FAT4: variants seen among roughly 807,000 people sequenced by gnomAD.
FAT4 encodes the protein FAT atypical cadherin 4, also known as protocadherin Fat 4.
In FAT4, 84 loss-of-function variants were observed where a neutral mutation model predicts 303.9. That is an observed-to-expected ratio of 0.28 (90% CI 0.23 to 0.33). The LOEUF is 0.33. Ranked by LOEUF, FAT4 falls within the 10% of genes least tolerant of loss-of-function variation. The pLI is 1.00. For missense variants in FAT4, 6,005 were observed against 6,146.8 expected (o/e 0.98, Z 0.77); for synonymous variants, 2,307 against 2,298.8 (o/e 1.00, Z -0.10).
chr4:125,415,268 T>C lies in FAT4; in HGVS notation c.6305T>C (p.Ile2102Thr), dbSNP rs749901312. The C allele has an allele frequency of 2.5e-6, 4 of 1,614,038 alleles. No homozygotes were observed. The highest frequency in any genetic ancestry group is 3.4e-6 in the Non-Finnish European group (4 of 1,179,964). Residue 2102 changes from isoleucine to threonine, a missense_variant, in exon 6 of 18, where the codon ATT becomes ACT. Coordinates refer to ENST00000394329, the MANE Select transcript of FAT4 (RefSeq NM_001291303.3). ...PLGNKFSIGT[I>T]DGEVRLTGEL... The stretch of plus-strand genomic sequence containing the variant: ...GGAAACAAGTTCAGTATTGGGACCA[T>C]TGATGGTGAAGTGAGGCTCACTGGA...
At chr4:125,370,185 C>T (rs10008685) in intron 2 of FAT4, among the ~76,000 whole-genome samples, 6,147 of 151,838 alleles carry the variant, frequency 0.04, 402 homozygotes, top group African/African-American at 0.13. Flanking sequence ...TTCTTTCTGA[C>T]TTTTTGTAAA....
chr4:125,479,302 G>A (rs551102802), intron 14 of FAT4, among the ~76,000 whole-genome samples: 3 of 152,050 alleles, frequency 2.0e-5, no homozygotes, highest in East Asian at 1.9e-4. Context: ...CTCAGTACAC[G>A]GTTATTTTTT....
At chr4:125,410,003 A>G (rs1350918281) in intron 5 of FAT4, among the ~76,000 whole-genome samples, 2 of 151,746 alleles carry the variant, frequency 1.3e-5, no homozygotes, top group African/African-American at 4.9e-5. Context: ...TCAGAATACT[A>G]TTCTATTTTA....
At chr4:125,412,840 T>C (rs1038610646) in intron 5 of FAT4, among the ~76,000 whole-genome samples, 2 of 151,892 alleles carry the variant, frequency 1.3e-5, no homozygotes, top group African/African-American at 4.8e-5. Context: ...ATATCTTTGC[T>C]TGTTGGTATT....
At chr4:125,346,376 G>GA (rs34606140) in intron 2 of FAT4, among the ~76,000 whole-genome samples, 3 of 150,538 alleles carry the variant, frequency 2.0e-5, no homozygotes, top group African/African-American at 4.9e-5. Flanking sequence ...GATTCTCTGA[G>GA]AAAAAAAAAC....
In FAT4 at chr4:125,448,776, C is replaced by T; in HGVS notation, c.7766C>T (p.Thr2589Ile). Residue 2589 changes from threonine to isoleucine, a missense_variant, in exon 10 of 18, where the codon ACC (threonine) becomes ATC (isoleucine). Coordinates refer to ENST00000394329, the MANE Select transcript of FAT4 (RefSeq NM_001291303.3). ...PENQPVSSLV[T>I]TITGSSLRGE... ...AACCAACCAGTCAGCTCTCTTGTCACCACCATCACAGGATCCTCTTTAAGA... is the reference window on the plus strand; with the variant it reads ...AACCAACCAGTCAGCTCTCTTGTCATCACCATCACAGGATCCTCTTTAAGA... 5 of 1,611,872 alleles carry T rather than the reference C, an allele frequency of 3.1e-6. No individual in the cohort carries two copies. Among genetic ancestry groups the T allele is most frequent in the Non-Finnish European group, 4.2e-6 (5 of 1,179,876 alleles).
intron 10 of FAT4, among the ~76,000 whole-genome samples, chr4:125,455,566 T>TTAAG (rs1433501988): frequency 9.9e-5 from 15 of 152,162 alleles, no homozygotes; most frequent in Admixed American, 2.6e-4. Flanking sequence ...GACCAAAAAA[T>TTAAG]TAAGTCTTCG....
At chr4:125,394,488 A>G (rs1025217848) in intron 2 of FAT4, among the ~76,000 whole-genome samples, 1 of 152,196 alleles carries the variant, frequency 6.6e-6, no homozygotes, top group African/African-American at 2.4e-5. Context: ...TAGAAATAAT[A>G]TTGTAGACTT....
intron 7 of FAT4, among the ~76,000 whole-genome samples, chr4:125,428,040 T>C (rs1383873488): frequency 6.6e-6 from 1 of 152,122 alleles, no homozygotes; most frequent in Non-Finnish European, 1.5e-5. Flanking sequence ...GGCTCACACC[T>C]GTAATCTCAG....
chr4:125,372,650 T>G (rs1003189542), intron 2 of FAT4, among the ~76,000 whole-genome samples: 2 of 152,156 alleles, frequency 1.3e-5, no homozygotes, highest in African/African-American at 2.4e-5. Flanking sequence ...CGTGGCACAA[T>G]GATTCATGAT....
intron 16 of FAT4, among the ~76,000 whole-genome samples, chr4:125,486,370 G>A (rs903266917): frequency 2.6e-5 from 4 of 151,496 alleles, no homozygotes; most frequent in Non-Finnish European, 5.9e-5. Flanking sequence ...ACATCTTTTC[G>A]GTAAAGTACA....
intron 2 of FAT4, among the ~76,000 whole-genome samples, chr4:125,330,317 C>T (rs530257237): frequency 2.4e-4 from 37 of 152,248 alleles, no homozygotes; most frequent in African/African-American, 6.0e-4. Context: ...CATTGCCTTG[C>T]GGCATTTCTT....
intron 2 of FAT4, among the ~76,000 whole-genome samples, chr4:125,396,118 G>A (rs749405316): frequency 3.3e-5 from 5 of 151,906 alleles, no homozygotes; most frequent in Non-Finnish European, 5.9e-5. Context: ...TAACACACAC[G>A]CATGAGACTG....
rs992225985 is a variant in FAT4 at position 125,447,136 on chromosome 4, G to A, written c.7450+593G>A. On this transcript the variant is annotated intron_variant, in intron 9 of 17. Coordinates refer to ENST00000394329, the MANE Select transcript of FAT4 (RefSeq NM_001291303.3). ...TGAATCATTTTCATATTGACAATAT[G>A]CATTTATCCTTCTGTATCTCTTTAA... Among the ~76,000 whole-genome samples the A allele has an allele frequency of 3.1e-4, 47 of 152,108 alleles. No individual in the cohort carries two copies. The Middle Eastern group carries it at 0.024, about 77-fold the overall frequency.
In FAT4 at chr4:125,458,780, A is replaced by G. The variant is rs532426581; in HGVS notation, c.11801-4783A>G. On this transcript the variant is annotated intron_variant, in intron 10 of 17. Transcript: ENST00000394329. ...TGTGCTTGTTTTACAAGACAAAGGT[A>G]AAAACTTTTTTTGGTTGTTGCTTTT... is the stretch of plus-strand genomic sequence containing the variant. Among the ~76,000 whole-genome samples the G allele has an allele frequency of 2.6e-5, 4 of 152,070 alleles. No homozygotes were observed. In the East Asian group the frequency reaches 7.7e-4, roughly 29 times the overall value.
At chr4:125,391,336 C>T (rs1733968859) in intron 2 of FAT4, among the ~76,000 whole-genome samples, 1 of 152,050 alleles carries the variant, frequency 6.6e-6, no homozygotes, top group Non-Finnish European at 1.5e-5. Flanking sequence ...TACTATGCAG[C>T]CATAAAAAGG....
intron 3 of FAT4, 24 bp downstream of exon 3, chr4:125,398,939 TTG>T (rs761130837): frequency 8.7e-6 from 14 of 1,611,246 alleles, no homozygotes; most frequent in Admixed American, 3.3e-5. Flanking sequence ...GTCTCTGAAT[TTG>T]TGAAACTTCG....
In FAT4 at chr4:125,320,729, A is replaced by G. The variant is rs376480835; in HGVS notation, c.4318A>G (p.Ile1440Val). ...VENIPIGTSV[I>V]SVTAHDPDAD... The stretch of plus-strand genomic sequence containing the variant: ...GAACATTCCCATCGGTACATCTGTC[A>G]TTTCAGTGACTGCACATGACCCTGA... The change falls in exon 2 of 18, where the codon ATT (isoleucine) becomes GTT (valine). Residue 1440 changes from isoleucine (I) to valine (V), a missense_variant. By Grantham distance (29) the Ile-to-Val change is conservative. Transcript: ENST00000394329. 62 of 1,614,052 alleles carry G rather than the reference A, an allele frequency of 3.8e-5. No individual in the cohort carries two copies. Among genetic ancestry groups the G allele is most frequent in the Non-Finnish European group, 5.0e-5 (59 of 1,180,004 alleles).
chr4:125,485,903 T>C (rs1053146080), intron 16 of FAT4, among the ~76,000 whole-genome samples: 1 of 152,100 alleles, frequency 6.6e-6, no homozygotes, highest in Non-Finnish European at 1.5e-5. Flanking sequence ...ATTGACTGTT[T>C]ATTAATAAAT....
Sources: allele counts gnomAD v4.1 joint callset (sites outside exome capture counted in the v4.1 genomes callset), GRCh38; gene constraint gnomAD v4.1.1; transcripts MANE v1.5; gene names NCBI Gene and HGNC (gene_info 2026-07-23, HGNC 2026-07-21).